Variants in SMAD6 observed in about 807,000 individuals in gnomAD.
The protein encoded by SMAD6 is MAD homolog 6.
SMAD6 carries 103 observed loss-of-function variants against 39.4 expected under a neutral mutation model. That is an observed-to-expected ratio of 2.62 (90% CI 2.23 to 3.08). The LOEUF (loss-of-function observed/expected upper bound fraction) is 3.08, where lower values mean the gene tolerates loss of function less well. Among genes scored for constraint, SMAD6 ranks in the 30% most tolerant of loss-of-function variants. The pLI is 0.00. For missense variants in SMAD6, 1,104 were observed against 742.9 expected (o/e 1.49, Z -5.65); for synonymous variants, 445 against 353.3 (o/e 1.26, Z -2.91).
intron 3 of SMAD6, among the ~76,000 whole-genome samples, chr15:66,738,320 G>A (rs1295581718): frequency 1.3e-5 from 2 of 152,188 alleles, no homozygotes; most frequent in African/African-American, 4.8e-5. Flanking sequence ...AGCTGGAGGT[G>A]TGCAGCGGGT....
chr15:66,742,396 G>A (rs777235771), intron 3 of SMAD6, among the ~76,000 whole-genome samples: 5 of 152,060 alleles, frequency 3.3e-5, no homozygotes, highest in South Asian at 2.1e-4. Context: ...CTTAGGGCGC[G>A]GGAACAAGTT....
chr15:66,772,605 T>TA (rs1425375837), intron 3 of SMAD6, among the ~76,000 whole-genome samples: 1 of 152,208 alleles, frequency 6.6e-6, no homozygotes, highest in African/African-American at 2.4e-5. Flanking sequence ...GCTGTTAACT[T>TA]ATGCAGTGCC....
chr15:66,758,945 A>G (rs1894150321), intron 3 of SMAD6, among the ~76,000 whole-genome samples: 1 of 152,240 alleles, frequency 6.6e-6, no homozygotes, highest in Non-Finnish European at 1.5e-5. Flanking sequence ...GCAGGAACCA[A>G]GAGGTTCAGA....
In SMAD6 at chr15:66,781,143, T is replaced by C. The variant is rs777149662; in HGVS notation, c.1099T>C (p.Cys367Arg). 3 of 1,608,488 alleles carry C rather than the reference T, an allele frequency of 1.9e-6. No individual in the cohort carries two copies. Among genetic ancestry groups the C allele is most frequent in the Non-Finnish European group, 2.5e-6 (3 of 1,179,776 alleles). ...FYDLPQGSGF[C>R]LGQLNLEQRS... ...CGACCTACCTCAGGGCAGCGGCTTCTGCCTGGGCCAGCTCAACCTGGAGCA... is the reference window on the plus strand; with the variant it reads ...CGACCTACCTCAGGGCAGCGGCTTCCGCCTGGGCCAGCTCAACCTGGAGCA... The change falls in exon 4 of 4, where the codon TGC becomes CGC. Residue 367 changes from cysteine to arginine, a missense_variant. Cys to Arg is a radical substitution (Grantham distance 180). Coordinates refer to ENST00000288840, the MANE Select transcript of SMAD6 (RefSeq NM_005585.5).
chr15:66,752,931 AG>A (rs1894032405), intron 3 of SMAD6, among the ~76,000 whole-genome samples: 1 of 152,234 alleles, frequency 6.6e-6, no homozygotes, highest in South Asian at 2.1e-4. Flanking sequence ...GGAGACAGCA[AG>A]GGGCATCCAT....
intron 3 of SMAD6, among the ~76,000 whole-genome samples, chr15:66,772,856 C>T (rs1199040221): frequency 2.6e-5 from 4 of 152,212 alleles, no homozygotes; most frequent in African/African-American, 9.6e-5. Context: ...CTGTGTCGCT[C>T]ATTTCCACTG....
In SMAD6 at chr15:66,711,725, G is replaced by GT; in HGVS notation, c.874+2dup. The GT allele has an allele frequency of 6.2e-7, 1 of 1,612,746 alleles. No homozygotes were observed. The highest frequency in any genetic ancestry group is 8.5e-7 in the Non-Finnish European group (1 of 1,178,872). On this transcript the variant is annotated splice_donor_variant, in intron 2 of 3. Coordinates refer to ENST00000288840, the MANE Select transcript of SMAD6 (RefSeq NM_005585.5). LOFTEE classifies it high-confidence loss of function. ...CCTCGCGACGAGTACAAGCCACTGG[G>GT]TAAGTGTGCCCTCCTTCCTACCCTT...
chr15:66,739,965 G>A (rs1025030187), intron 3 of SMAD6, among the ~76,000 whole-genome samples: 1 of 152,134 alleles, frequency 6.6e-6, no homozygotes, highest in Non-Finnish European at 1.5e-5. Context: ...ACAGTTTTGC[G>A]TCCTGCCTTT....
chr15:66,711,484 T>C (rs1430246623), intron 1 of SMAD6, among the ~76,000 whole-genome samples, 184 bp from the exon 2 acceptor site: 10 of 152,216 alleles, frequency 6.6e-5, no homozygotes, highest in Admixed American at 6.5e-4. Flanking sequence ...AGCCCATATC[T>C]GTCTGTGCCC....
intron 3 of SMAD6, among the ~76,000 whole-genome samples, chr15:66,750,132 T>C (rs1893977078): frequency 6.6e-6 from 1 of 152,128 alleles, no homozygotes; most frequent in South Asian, 2.1e-4. Flanking sequence ...TTTGCAACCC[T>C]GCCCTGGAAT....
rs1894577809 is a variant in SMAD6 at position 66,781,540 on chromosome 15, G to A, written c.*5G>A. The A allele has an allele frequency of 6.7e-7, 1 of 1,500,930 alleles. No individual in the cohort carries two copies. Among genetic ancestry groups the A allele is most frequent in the South Asian group, 1.3e-5 (1 of 77,582 alleles). 93.0% of individuals were successfully genotyped at this position (1,500,930 alleles called of 1,614,324 possible). A position where few individuals can be genotyped will look rare whatever the true frequency, so the allele number is the denominator to read the frequency against. ...CTCCTCAACAACCCCAGATAGTGGC[G>A]GCCCCGGCGGGAGGGGCGGGTGGGA... On this transcript the variant is annotated 3_prime_UTR_variant, in exon 4 of 4. Transcript: ENST00000288840.
chr15:66,714,289 A>G (rs1567095757), intron 2 of SMAD6, among the ~76,000 whole-genome samples: 1 of 152,170 alleles, frequency 6.6e-6, no homozygotes, highest in Admixed American at 6.5e-5. Flanking sequence ...GAGGCCCAGA[A>G]AGAGGAAGTG....
chr15:66,751,867 C>T (rs566170073), intron 3 of SMAD6, among the ~76,000 whole-genome samples: 112 of 152,346 alleles, frequency 7.4e-4, no homozygotes, highest in African/African-American at 2.7e-3. Flanking sequence ...GTCTCAGAGA[C>T]ACCAGTGACT....
At position 66,712,365 on chromosome 15, in the gene SMAD6, C is replaced by T. The variant is rs535900375; in HGVS notation, c.874+641C>T. 2.0e-5 allele frequency among the ~76,000 whole-genome samples: 3 copies of T among 152,218 alleles called. No individual in the cohort carries two copies. The South Asian group carries it at 6.2e-4, about 32-fold the overall frequency. The stretch of plus-strand genomic sequence containing the variant: ...AAACCTTGAGCCTAGATGATCAGCC[C>T]ATATTCTGGGGTAGATGTAAGTGGT... On this transcript the variant is annotated intron_variant, in intron 2 of 3. Coordinates refer to ENST00000288840, the MANE Select transcript of SMAD6 (RefSeq NM_005585.5).
intron 3 of SMAD6, among the ~76,000 whole-genome samples, chr15:66,772,703 G>A (rs1367066680): frequency 6.6e-6 from 1 of 152,178 alleles, no homozygotes; most frequent in African/African-American, 2.4e-5. Context: ...TGTGTTACAG[G>A]TTAGGAAACT....
intron 3 of SMAD6, among the ~76,000 whole-genome samples, chr15:66,760,590 G>A (rs890466276): frequency 6.6e-6 from 1 of 152,362 alleles, no homozygotes; most frequent in Middle Eastern, 3.4e-3. Flanking sequence ...CTGAGGCCCA[G>A]AGAGGCTGAG....
At chr15:66,730,775 C>T (rs1893613413) in intron 3 of SMAD6, among the ~76,000 whole-genome samples, 1 of 152,216 alleles carries the variant, frequency 6.6e-6, no homozygotes, top group Non-Finnish European at 1.5e-5. Flanking sequence ...TGTAACTTAT[C>T]TCCACTTGAT....
rs1438473825 is a variant in SMAD6, at chr15:66,747,977, C to T, written c.952+31479C>T. On this transcript the variant is annotated intron_variant, in intron 3 of 3. Coordinates refer to ENST00000288840, the MANE Select transcript of SMAD6 (RefSeq NM_005585.5). The surrounding 1 kb of genome is among the most constrained non-coding windows in gnomAD (Gnocchi z 4.5). ...AGTGGCTGGGGGCGCACACAGCCACCCCCACGCCCTAACTTGCCCCATTGT... is the reference window on the plus strand; with the variant it reads ...AGTGGCTGGGGGCGCACACAGCCACTCCCACGCCCTAACTTGCCCCATTGT... Among the ~76,000 whole-genome samples the T allele has an allele frequency of 6.6e-6, 1 of 152,140 alleles. No homozygotes were observed. The highest frequency in any genetic ancestry group is 1.5e-5 in the Non-Finnish European group (1 of 68,032).
Position 66,781,510 on chromosome 15 carries a change from A to T in SMAD6, c.1466A>T (p.Glu489Val). Residue 489 changes from glutamate to valine, a missense_variant, in exon 4 of 4, where the codon GAG becomes GTG. Coordinates refer to ENST00000288840, the MANE Select transcript of SMAD6 (RefSeq NM_005585.5). ...QFITSCPCWL[E>V]ILLNNPR ...ATCACCTCCTGCCCCTGCTGGCTGG[A>T]GATCCTCCTCAACAACCCCAGATAG... The T allele has an allele frequency of 6.4e-7, 1 of 1,555,788 alleles. No individual in the cohort carries two copies. The highest frequency in any genetic ancestry group is 8.7e-7 in the Non-Finnish European group (1 of 1,153,672).
Sources: gnomAD v4.1 joint callset for allele counts (sites outside exome capture counted in the v4.1 genomes callset) on GRCh38, gnomAD v4.1.1 for gene constraint, Gnocchi (gnomAD v3.1) non-coding constraint, MANE v1.5 for transcripts, NCBI Gene and HGNC (gene_info 2026-07-23, HGNC 2026-07-21) for gene names.